Variants in THSD7A observed in about 807,000 individuals in gnomAD.
THSD7A encodes the protein thrombospondin type 1 domain containing 7A, also known as thrombospondin type-1 domain-containing protein 7A.
A neutral mutation model predicts 231.3 loss-of-function variants in THSD7A; 96 were observed. The observed-to-expected ratio is 0.41, with a 90% CI of 0.35 to 0.49. THSD7A has a LOEUF of 0.49. Among genes scored for constraint, THSD7A ranks in the 20% least tolerant of loss-of-function variants. The pLI, the probability that THSD7A is intolerant of heterozygous loss-of-function variation, is 0.05. For synonymous variants in THSD7A, 940 were observed against 743.3 expected, an observed-to-expected ratio of 1.26 and a Z score of -4.30; for missense variants, 2,290 against 2,070.2, an observed-to-expected ratio of 1.11 and a Z score of -2.06.
chr7:11,813,225 C>A (rs1004163485), intron 1 of THSD7A, among the ~76,000 whole-genome samples: 2 of 152,214 alleles, frequency 1.3e-5, no homozygotes, highest in South Asian at 4.2e-4. Flanking sequence ...TTGTTGGCAT[C>A]CTACTAAGTG....
At position 11,492,897 on chromosome 7, in the gene THSD7A, A is replaced by T. The variant is rs117969802; in HGVS notation, c.1823-10915T>A. Among the ~76,000 whole-genome samples the T allele has an allele frequency of 1.7e-3, 259 of 152,216 alleles. 1 individual carries two copies. The highest frequency in any genetic ancestry group is 3.0e-3 in the Non-Finnish European group (202 of 67,984). On this transcript the variant is annotated intron_variant, in intron 6 of 27. Coordinates refer to ENST00000423059, the MANE Select transcript of THSD7A (RefSeq NM_015204.3). Reference sequence around the variant, plus strand: ...TGAGTAAATCACAGTCTGACCCTTTAATCTTCATAGTTGTCTGCTAGGAGA... The same window carrying T: ...TGAGTAAATCACAGTCTGACCCTTTTATCTTCATAGTTGTCTGCTAGGAGA...
intron 1 of THSD7A, among the ~76,000 whole-genome samples, chr7:11,678,146 T>A (rs1783716324): frequency 6.6e-6 from 1 of 152,024 alleles, no homozygotes. Context: ...TTGAAACCAA[T>A]GAGAACAAGG....
At position 11,831,800 on chromosome 7, in the gene THSD7A, C is replaced by T. The variant is rs763256651; in HGVS notation, c.147G>A (p.Ala49=). 4.2e-5 allele frequency: 61 copies of T among 1,462,590 alleles called. 1 individual carries two copies. The highest frequency in any genetic ancestry group is 5.0e-5 in the Non-Finnish European group (55 of 1,103,674). The allele number at this position is 1,462,590 out of a possible 1,614,324, so 90.6% of individuals were successfully genotyped here. A position where few individuals can be genotyped will look rare whatever the true frequency, so the allele number is the denominator to read the frequency against. ...GGGTGGGCGCCTCCGCCTCGCCCTG[C>T]GCCGCAGCCCTGCCGGCGCCCGGGC... is the stretch of plus-strand genomic sequence containing the variant. The part of the protein sequence containing the change: ...LLRPGAGRAA[A]QGEAEAPTLY... Residue 49 remains alanine (A), a synonymous_variant, in exon 1 of 28, where the codon GCG becomes GCA. Coordinates refer to ENST00000423059, the MANE Select transcript of THSD7A (RefSeq NM_015204.3). The surrounding 1 kb of genome is among the most constrained non-coding windows in gnomAD (Gnocchi z 5.0).
At chr7:11,674,028 C>T (rs1198007723) in intron 1 of THSD7A, among the ~76,000 whole-genome samples, 1 of 151,798 alleles carries the variant, frequency 6.6e-6, no homozygotes, top group East Asian at 2.0e-4. Context: ...CAGACATACC[C>T]AACACACACC....
chr7:11,769,153 A>ATTTTTTTTTTTTTTTTTTTT (rs1227041855), intron 1 of THSD7A, among the ~76,000 whole-genome samples: 14 of 27,650 alleles, frequency 5.1e-4, no homozygotes, highest in Non-Finnish European at 7.0e-4. Context: ...ATATATATAT[A>ATTTTTTTTTTTTTTTTTTTT]TTTTTTTTTT....
In THSD7A at chr7:11,433,796, C is replaced by T. The variant is rs576798673; in HGVS notation, c.3065-4671G>A. Among the ~76,000 whole-genome samples, 3 of 152,040 alleles carry T rather than the reference C, an allele frequency of 2.0e-5. No individual in the cohort carries two copies. In the East Asian group the frequency reaches 5.8e-4, roughly 29 times the overall value. ...ATATTATGGTTTTAGTAAGATTTAACATGTATGACTTCAGACTGATTCACG... is the reference window on the plus strand; with the variant it reads ...ATATTATGGTTTTAGTAAGATTTAATATGTATGACTTCAGACTGATTCACG... On this transcript the variant is annotated intron_variant, in intron 13 of 27. Transcript: ENST00000423059.
intron 4 of THSD7A, among the ~76,000 whole-genome samples, chr7:11,564,947 T>C (rs989579905): frequency 6.6e-6 from 1 of 152,198 alleles, no homozygotes; most frequent in Non-Finnish European, 1.5e-5. Context: ...AGAATTTAAA[T>C]TTCACAAATT....
chr7:11,467,402 T>C (rs1434103751), intron 9 of THSD7A, among the ~76,000 whole-genome samples: 2 of 152,182 alleles, frequency 1.3e-5, no homozygotes, highest in Non-Finnish European at 2.9e-5. Context: ...TTAAATGCAA[T>C]TAAAAGCTTC....
chr7:11,798,000 G>A (rs1370215030), intron 1 of THSD7A, among the ~76,000 whole-genome samples: 1 of 152,038 alleles, frequency 6.6e-6, no homozygotes, highest in Non-Finnish European at 1.5e-5. Context: ...TAAAAAATCT[G>A]AAATATAGAC....
chr7:11,656,754 C>A (rs1782723532), intron 1 of THSD7A, among the ~76,000 whole-genome samples: 1 of 151,864 alleles, frequency 6.6e-6, no homozygotes, highest in Non-Finnish European at 1.5e-5. Flanking sequence ...AGAATTACTT[C>A]TCTCTTCATT....
At chr7:11,414,790 G>C (rs141581311) in intron 17 of THSD7A, among the ~76,000 whole-genome samples, 1 of 152,290 alleles carries the variant, frequency 6.6e-6, no homozygotes, top group Non-Finnish European at 1.5e-5. Context: ...GGTCACACTG[G>C]AATAACACTA....
intron 2 of THSD7A, among the ~76,000 whole-genome samples, chr7:11,633,860 T>C (rs540473042): frequency 1.3e-3 from 198 of 152,348 alleles, no homozygotes; most frequent in Non-Finnish European, 1.8e-3. Flanking sequence ...ATGCAGTTAC[T>C]ATAATGTAAT....
At chr7:11,635,996 C>T in intron 2 of THSD7A, 134 bp downstream of exon 2, 2 of 756,626 alleles carry the variant, frequency 2.6e-6, no homozygotes, top group Non-Finnish European at 4.1e-6. Context: ...GCTCAGAAGC[C>T]TTAAATTTGG....
In THSD7A at chr7:11,767,856, A is replaced by C. The variant is rs943380875; in HGVS notation, c.190+63901T>G. Among the ~76,000 whole-genome samples, 4 of 152,218 alleles carry C rather than the reference A, an allele frequency of 2.6e-5. No individual in the cohort carries two copies. The East Asian group carries it at 7.7e-4, about 29-fold the overall frequency. ...AGCTCCAACAAGGAAACAGCTCAGC[A>C]TAAAAGAGTATCAGTCAGGGAGAAC... On this transcript the variant is annotated intron_variant, in intron 1 of 27. Coordinates refer to ENST00000423059, the MANE Select transcript of THSD7A (RefSeq NM_015204.3).
intron 11 of THSD7A, among the ~76,000 whole-genome samples, chr7:11,452,647 C>T (rs1366676505): frequency 6.6e-6 from 1 of 151,984 alleles, no homozygotes; most frequent in Non-Finnish European, 1.5e-5. Context: ...GAAGGGTTAA[C>T]TGCATCAGAA....
chr7:11,635,506 T>G (rs983243032), intron 2 of THSD7A, among the ~76,000 whole-genome samples: 2 of 152,200 alleles, frequency 1.3e-5, no homozygotes, highest in Non-Finnish European at 2.9e-5. Context: ...GTTAAATAAT[T>G]TCTGTCTAGA....
intron 6 of THSD7A, among the ~76,000 whole-genome samples, chr7:11,525,276 C>T (rs1788424378): frequency 6.9e-6 from 1 of 144,010 alleles, no homozygotes; most frequent in East Asian, 2.0e-4. Context: ...TATTTAAATT[C>T]ACCCTGCCAA....
intron 1 of THSD7A, among the ~76,000 whole-genome samples, chr7:11,811,235 C>G (rs1784521024): frequency 6.6e-6 from 1 of 152,154 alleles, no homozygotes; most frequent in Admixed American, 6.5e-5. Flanking sequence ...AGCACACACA[C>G]ACACACGAAA....
chr7:11,543,644 C>A (rs1224202637), intron 4 of THSD7A, among the ~76,000 whole-genome samples: 1 of 152,030 alleles, frequency 6.6e-6, no homozygotes, highest in Non-Finnish European at 1.5e-5. Context: ...CTCTCTGTAC[C>A]CCCCAGCTAC....
Sources: gnomAD v4.1 joint callset for allele counts (sites outside exome capture counted in the v4.1 genomes callset) on GRCh38, gnomAD v4.1.1 for gene constraint, Gnocchi (gnomAD v3.1) non-coding constraint, MANE v1.5 for transcripts, NCBI Gene and HGNC (gene_info 2026-07-23, HGNC 2026-07-21) for gene names.